The following MAGI3 variants were observed in gnomAD, a reference collection of about 807,000 sequenced individuals.
The protein encoded by MAGI3 is membrane-associated guanylate kinase, WW and PDZ domain-containing protein 3.
MAGI3 carries 43 observed loss-of-function variants against 121.8 expected under a neutral mutation model. The ratio of observed to expected loss-of-function variants is 0.35; its 90% CI spans 0.28 to 0.46. MAGI3 has a LOEUF of 0.46. Among genes scored for constraint, MAGI3 ranks in the 20% least tolerant of loss-of-function variants. MAGI3 has a pLI of 1.00. For missense variants in MAGI3, 1,547 were observed against 1,797.3 expected (o/e 0.86, Z 2.52); for synonymous variants, 553 against 639.3 (o/e 0.86, Z 2.04).
rs762172768 is a variant in MAGI3, at chr1:113,682,920, T to G, written c.3352T>G (p.Ser1118Ala). 1 of 1,587,632 alleles carries G rather than the reference T, an allele frequency of 6.3e-7. No individual in the cohort carries two copies. Among genetic ancestry groups the G allele is most frequent in the Non-Finnish European group, 8.5e-7 (1 of 1,170,800 alleles). Residue 1118 changes from serine to alanine, a missense_variant, in exon 21 of 21, where the codon TCG becomes GCG. By Grantham distance (99) the Ser-to-Ala change is moderately conservative (BLOSUM62 1). Transcript: ENST00000307546. ...DHGDWDINNP[S>A]SSNVIYDEQS... ...AGGTGATTGGGATATTAATAATCCTTCGTCTTCAAATGTGATTTATGATGA... is the reference window on the plus strand; with the variant it reads ...AGGTGATTGGGATATTAATAATCCTGCGTCTTCAAATGTGATTTATGATGA...
intron 2 of MAGI3, among the ~76,000 whole-genome samples, chr1:113,579,761 G>T (rs1647891191): frequency 6.6e-6 from 1 of 152,142 alleles, no homozygotes; most frequent in South Asian, 2.1e-4. Flanking sequence ...ATGTGGAGTA[G>T]AGGGAAGAGC....
chr1:113,526,088 A>C (rs1170403870), intron 1 of MAGI3, among the ~76,000 whole-genome samples: 1 of 152,184 alleles, frequency 6.6e-6, no homozygotes, highest in African/African-American at 2.4e-5. Context: ...AGACCAAAAA[A>C]GTTGTTTTAT....
intron 1 of MAGI3, among the ~76,000 whole-genome samples, chr1:113,416,388 ATATTAAT>A (rs1253062069): frequency 1.5e-4 from 10 of 64,854 alleles, no homozygotes; most frequent in African/African-American, 4.6e-4. Flanking sequence ...TTAATAATAT[ATATTAAT>A]TATTAATTAA....
At chr1:113,506,813 G>A (rs756657330) in intron 1 of MAGI3, among the ~76,000 whole-genome samples, 42 of 152,122 alleles carry the variant, frequency 2.8e-4, no homozygotes, top group African/African-American at 7.5e-4. Flanking sequence ...CTGGCACACC[G>A]GCATGAATGG....
At chr1:113,460,937 A>G (rs1655002474) in intron 1 of MAGI3, among the ~76,000 whole-genome samples, 1 of 152,238 alleles carries the variant, frequency 6.6e-6, no homozygotes. Flanking sequence ...ATACACCAAC[A>G]ACAGCCAAAC....
In MAGI3 at chr1:113,671,740, A is replaced by C; in HGVS notation, c.2822A>C (p.His941Pro). ...TGTTTTCTCATTTGAACAGAGCATCATGGTCCACCATCAGGAACAAACTCA... is the reference window on the plus strand; with the variant it reads ...TGTTTTCTCATTTGAACAGAGCATCCTGGTCCACCATCAGGAACAAACTCA... Reference protein sequence around the residue: ...TLTVIAEEEHHGPPSGTNSAR... With the variant: ...TLTVIAEEEHPGPPSGTNSAR... Residue 941 changes from histidine to proline, a missense_variant, in exon 17 of 21, where the codon CAT becomes CCT. By Grantham distance (77) the His-to-Pro change is moderately conservative. Transcript: ENST00000307546. 1 of 1,614,204 alleles carries C rather than the reference A, an allele frequency of 6.2e-7. No homozygotes were observed. The highest frequency in any genetic ancestry group is 8.5e-7 in the Non-Finnish European group (1 of 1,179,998).
In MAGI3 at chr1:113,594,388, C is replaced by A. The variant is rs529933738; in HGVS notation, c.939-93C>A. 33 of 717,624 alleles carry A rather than the reference C, an allele frequency of 4.6e-5. No homozygotes were observed. In the African/African-American group the frequency reaches 9.4e-4, roughly 21 times the overall value. The allele number at this position is 717,624 out of a possible 1,614,324, so 44.5% of individuals were successfully genotyped here. On this transcript the variant is annotated intron_variant, in intron 5 of 20. Coordinates refer to ENST00000307546, the MANE Select transcript of MAGI3 (RefSeq NM_001142782.2). ...AGCCTGTTGGAGATTAATGTTCAAACATCATGTCTTTTAGTCACTTTTAAT... is the reference window on the plus strand; with the variant it reads ...AGCCTGTTGGAGATTAATGTTCAAAAATCATGTCTTTTAGTCACTTTTAAT...
intron 1 of MAGI3, among the ~76,000 whole-genome samples, chr1:113,535,762 TAA>T (rs749005783): frequency 7.9e-5 from 12 of 152,118 alleles, no homozygotes; most frequent in Non-Finnish European, 1.6e-4. Context: ...CTCTGTGAGG[TAA>T]AGTCTTCCAA....
intron 1 of MAGI3, among the ~76,000 whole-genome samples, chr1:113,459,250 A>C (rs2101510799): frequency 6.6e-6 from 1 of 152,296 alleles, no homozygotes; most frequent in South Asian, 2.1e-4. Flanking sequence ...TTATCAACTA[A>C]TGAGAATGAT....
chr1:113,629,763 C>CTCTCTCCCTCCCT (rs143631602), intron 9 of MAGI3, among the ~76,000 whole-genome samples: 1 of 45,214 alleles, frequency 2.2e-5, no homozygotes, highest in East Asian at 4.0e-4. Flanking sequence ...TCTCTCTCTC[C>CTCTCTCCCTCCCT]CTCCCTCCCT....
chr1:113,397,883 C>T (rs948735559), intron 1 of MAGI3, among the ~76,000 whole-genome samples: 26 of 152,068 alleles, frequency 1.7e-4, no homozygotes, highest in Admixed American at 1.2e-3. Context: ...GAAGTCTAGC[C>T]AGTTTTATGG....
chr1:113,661,409 GA>G (rs1336118836), intron 16 of MAGI3, among the ~76,000 whole-genome samples: 1 of 152,166 alleles, frequency 6.6e-6, no homozygotes, highest in Non-Finnish European at 1.5e-5. Context: ...TGTAGATGAG[GA>G]AACTGAGTCA....
At chr1:113,576,932 T>G (rs1299195029) in intron 2 of MAGI3, 1 of 152,198 alleles carries the variant, frequency 6.6e-6, no homozygotes, top group Non-Finnish European at 1.5e-5. Flanking sequence ...TGGAAAAATC[T>G]TATAAGCCTC....
At chr1:113,398,405 G>A (rs978775878) in intron 1 of MAGI3, among the ~76,000 whole-genome samples, 2 of 152,128 alleles carry the variant, frequency 1.3e-5, no homozygotes, top group Non-Finnish European at 2.9e-5. Flanking sequence ...TAATAATTAA[G>A]ATCTTTTCTA....
chr1:113,657,430 C>A (rs920379018), intron 15 of MAGI3, among the ~76,000 whole-genome samples: 1 of 152,180 alleles, frequency 6.6e-6, no homozygotes, highest in Non-Finnish European at 1.5e-5. Context: ...AAGTTGTATA[C>A]CACCATGCAC....
chr1:113,505,268 C>G (rs1657261643), intron 1 of MAGI3, among the ~76,000 whole-genome samples: 2 of 152,048 alleles, frequency 1.3e-5, no homozygotes, highest in African/African-American at 4.8e-5. Flanking sequence ...TAATGGCTAA[C>G]CCTTTAACAT....
At chr1:113,586,576 C>G (rs1648379948) in intron 4 of MAGI3, among the ~76,000 whole-genome samples, 1 of 152,200 alleles carries the variant, frequency 6.6e-6, no homozygotes, top group South Asian at 2.1e-4. Context: ...AATGTAAATA[C>G]TAAAAACAGG....
rs571718131 is a variant in MAGI3 at position 113,462,281 on chromosome 1, A to G, written c.316+70932A>G. Among the ~76,000 whole-genome samples, 31 of 152,330 alleles carry G rather than the reference A, an allele frequency of 2.0e-4. 1 individual carries two copies. In the South Asian group the frequency reaches 5.8e-3, roughly 29 times the overall value. ...CCATGTGAATGTTTATTGCAGCACT[A>G]TTCACAATAGCAAAGATGTGGAATC... On this transcript the variant is annotated intron_variant, in intron 1 of 20. Transcript: ENST00000307546.
chr1:113,472,600 T>G (rs1264430913), intron 1 of MAGI3, among the ~76,000 whole-genome samples: 1 of 152,104 alleles, frequency 6.6e-6, no homozygotes, highest in African/African-American at 2.4e-5. Context: ...TTTGATAGTT[T>G]TTTTTTTAAT....
Sources: allele counts gnomAD v4.1 joint callset (sites outside exome capture counted in the v4.1 genomes callset), GRCh38; gene constraint gnomAD v4.1.1; transcripts MANE v1.5; gene names NCBI Gene and HGNC (gene_info 2026-07-23, HGNC 2026-07-21).